AXDND1: variants seen among roughly 807,000 people sequenced by gnomAD.
The protein encoded by AXDND1 is axonemal dynein light chain domain-containing protein 1.
Under a neutral mutation model 137.5 loss-of-function variants are expected in AXDND1, and 110 were observed. The observed-to-expected ratio is 0.80, with a 90% confidence interval of 0.69 to 0.94. AXDND1 has a LOEUF of 0.94. Among genes scored for constraint, AXDND1 ranks in the 40% least tolerant of loss-of-function variants. The probability of loss-of-function intolerance (pLI) is 0.00; values close to 1 mark genes in which losing one functional copy is unlikely to be tolerated. For missense variants in AXDND1, 1,191 were observed against 1,169.8 expected, an observed-to-expected ratio of 1.02 and a Z score of -0.26; for synonymous variants, 414 against 399.7, an observed-to-expected ratio of 1.04 and a Z score of -0.43.
intron 25 of AXDND1, among the ~76,000 whole-genome samples, chr1:179,542,175 T>C (rs890293544): frequency 2.0e-5 from 3 of 152,240 alleles, no homozygotes; most frequent in African/African-American, 4.8e-5. Flanking sequence ...TAATTAGTGC[T>C]GCAATATGCC....
rs1655948013 is a variant in AXDND1 at position 179,422,715 on chromosome 1, G to GA, written c.1231-6799dup. 2.0e-5 allele frequency among the ~76,000 whole-genome samples: 3 copies of GA among 152,238 alleles called. No individual in the cohort carries two copies. The South Asian group carries it at 6.2e-4, about 32-fold the overall frequency. On this transcript the variant is annotated intron_variant, in intron 12 of 25. Transcript: ENST00000367618. The stretch of plus-strand genomic sequence containing the variant: ...GTTGATTTCTTGTCTGTCCATTACT[G>GA]AAAAGAGTGTTAAAATCCCCCACTA...
intron 12 of AXDND1, among the ~76,000 whole-genome samples, chr1:179,413,388 G>A (rs1252321267): frequency 1.3e-5 from 2 of 152,026 alleles, no homozygotes; most frequent in Admixed American, 6.6e-5. Flanking sequence ...CTCAACTGTT[G>A]GTCCTTTCCC....
intron 15 of AXDND1, among the ~76,000 whole-genome samples, chr1:179,435,571 C>A: frequency 6.6e-6 from 1 of 152,076 alleles, no homozygotes; most frequent in East Asian, 1.9e-4. Context: ...ATTTGACCAA[C>A]CTGACAAAAA....
chr1:179,429,732 G>A, intron 13 of AXDND1, 113 bp downstream of exon 13: 1 of 547,088 alleles, frequency 1.8e-6, no homozygotes, highest in Non-Finnish European at 3.0e-6. Context: ...TTTTATATTA[G>A]TGCTTATTGT....
chr1:179,374,643 C>T (rs1365891422), intron 4 of AXDND1, among the ~76,000 whole-genome samples: 2 of 151,948 alleles, frequency 1.3e-5, no homozygotes, highest in Non-Finnish European at 2.9e-5. Flanking sequence ...TACTTTGTAG[C>T]CGTAAAAAAG....
rs556721878 is a variant in AXDND1 at position 179,534,755 on chromosome 1, G to A, written c.2824G>A (p.Ala942Thr). The change falls in exon 25 of 26, where the codon GCA becomes ACA. Residue 942 changes from alanine to threonine, a missense_variant. Ala to Thr is a moderately conservative substitution (Grantham distance 58). Coordinates refer to ENST00000367618, the MANE Select transcript of AXDND1 (RefSeq NM_144696.6). Reference sequence around the variant, plus strand: ...GGAGGTTGAAAATAGAGCCAGACAGGCAGAGGAGAAGTTTGAAGATGCATA... The same window carrying A: ...GGAGGTTGAAAATAGAGCCAGACAGACAGAGGAGAAGTTTGAAGATGCATA... ...LLEVENRARQ[A>T]EEKFEDAYEK... 2.5e-6 allele frequency: 4 copies of A among 1,590,428 alleles called. No individual in the cohort carries two copies. The South Asian group carries it at 4.7e-5, about 19-fold the overall frequency.
At chr1:179,379,796 C>CAAAAAAAAAAAAAAAAAAAAAAAAAA (rs5779022) in intron 6 of AXDND1, among the ~76,000 whole-genome samples, 1 of 93,628 alleles carries the variant, frequency 1.1e-5, no homozygotes, top group Non-Finnish European at 2.1e-5. Flanking sequence ...AACTCCATCT[C>CAAAAAAAAAAAAAAAAAAAAAAAAAA]AAAAAAAAAA....
chr1:179,411,853 T>C (rs1042810422), intron 12 of AXDND1, among the ~76,000 whole-genome samples: 11 of 152,156 alleles, frequency 7.2e-5, no homozygotes, highest in African/African-American at 2.6e-4. Flanking sequence ...GATTCTCTTT[T>C]TTTTTTAAAA....
rs1375264112 is a variant in AXDND1 at position 179,411,202 on chromosome 1, A to T, written c.1166A>T (p.Asp389Val). The change falls in exon 12 of 26, where the codon GAT (aspartate) becomes GTT (valine). Residue 389 changes from aspartate to valine, a missense_variant. By Grantham distance (152) the Asp-to-Val change is radical. Coordinates refer to ENST00000367618, the MANE Select transcript of AXDND1 (RefSeq NM_144696.6). ...TTACAAAGAGAAAGGATGGAGAATG[A>T]TATGAAAAAGTTAGTGGCAGAAAGA... ...YTLQRERMEN[D>V]MKKLVAERDI... The T allele has an allele frequency of 1.2e-6, 2 of 1,612,648 alleles. No homozygotes were observed. Among genetic ancestry groups the T allele is most frequent in the Non-Finnish European group, 1.7e-6 (2 of 1,179,470 alleles).
chr1:179,519,653 C>T (rs1398428730), intron 21 of AXDND1, among the ~76,000 whole-genome samples: 1 of 151,900 alleles, frequency 6.6e-6, no homozygotes, highest in African/African-American at 2.4e-5. Flanking sequence ...GAATTCTTTC[C>T]CTATTGCTTG....
At chr1:179,401,033 T>C (rs1244024870) in intron 11 of AXDND1, among the ~76,000 whole-genome samples, 1 of 147,122 alleles carries the variant, frequency 6.8e-6, no homozygotes, top group Non-Finnish European at 1.5e-5. Context: ...TCAAAGCGGG[T>C]GGATCAGCTG....
At chr1:179,462,441 G>C (rs533824682) in intron 16 of AXDND1, among the ~76,000 whole-genome samples, 4 of 152,068 alleles carry the variant, frequency 2.6e-5, no homozygotes, top group Admixed American at 1.3e-4. Flanking sequence ...TGCTGGATTC[G>C]GTTTGCCAGT....
intron 12 of AXDND1, among the ~76,000 whole-genome samples, chr1:179,411,797 T>C (rs964354953): frequency 6.6e-6 from 1 of 152,076 alleles, no homozygotes; most frequent in Non-Finnish European, 1.5e-5. Flanking sequence ...GGTTCTTATC[T>C]CTTCATACAA....
chr1:179,369,863 G>T, intron 3 of AXDND1, 112 bp from the exon 4 acceptor site: 1 of 653,698 alleles, frequency 1.5e-6, no homozygotes, highest in South Asian at 2.4e-5. Context: ...TTTTTCCTTA[G>T]AGTACCCAAG....
intron 11 of AXDND1, among the ~76,000 whole-genome samples, chr1:179,407,779 A>T (rs1215128983): frequency 6.6e-6 from 1 of 152,028 alleles, no homozygotes; most frequent in Non-Finnish European, 1.5e-5. Context: ...TTGTATCTGG[A>T]TGTCTTTATC....
In AXDND1 at chr1:179,552,751, T is replaced by A. The variant is rs559024683; in HGVS notation, c.3032-1761T>A. Reference sequence around the variant, plus strand: ...TAGGGGCCAAAGCTTTCACACAGACTTGCAAGCCTCTCTACTGCTGTCTCA... The same window carrying A: ...TAGGGGCCAAAGCTTTCACACAGACATGCAAGCCTCTCTACTGCTGTCTCA... On this transcript the variant is annotated intron_variant, in intron 25 of 25. Coordinates refer to ENST00000367618, the MANE Select transcript of AXDND1 (RefSeq NM_144696.6). 34 of 1,190,762 alleles carry A rather than the reference T, an allele frequency of 2.9e-5. 1 individual carries two copies. In the South Asian group the frequency reaches 4.1e-4, roughly 14 times the overall value. The allele number at this position is 1,190,762 out of a possible 1,614,324, so 73.8% of individuals were successfully genotyped here.
At chr1:179,525,578 C>G in intron 22 of AXDND1, 131 bp downstream of exon 22, 1 of 1,101,166 alleles carries the variant, frequency 9.1e-7, no homozygotes, top group Non-Finnish European at 1.2e-6. Context: ...CTCACTGTAA[C>G]CTCGAACTCT....
At chr1:179,541,299 G>A (rs958495369) in intron 25 of AXDND1, among the ~76,000 whole-genome samples, 6 of 152,256 alleles carry the variant, frequency 3.9e-5, no homozygotes, top group South Asian at 2.1e-4. Flanking sequence ...ATGAGGCGAC[G>A]CCCTGCCCTG....
chr1:179,433,930 A>C (rs1315164880), intron 15 of AXDND1, among the ~76,000 whole-genome samples: 3 of 151,734 alleles, frequency 2.0e-5, no homozygotes, highest in Non-Finnish European at 4.4e-5. Flanking sequence ...CTGTCTCATC[A>C]ATCTGTCTAA....
Sources: allele counts gnomAD v4.1 joint callset (sites outside exome capture counted in the v4.1 genomes callset), GRCh38; gene constraint gnomAD v4.1.1; transcripts MANE v1.5; gene names NCBI Gene and HGNC (gene_info 2026-07-23, HGNC 2026-07-21).